Variants in EXOC3L4 observed in about 807,000 individuals in gnomAD.
The protein encoded by EXOC3L4 is exocyst complex component 3-like protein 4.
EXOC3L4 carries 62 observed loss-of-function variants against 69.7 expected under a neutral mutation model. The ratio of observed to expected loss-of-function variants is 0.89; its 90% CI spans 0.72 to 1.10. The LOEUF (loss-of-function observed/expected upper bound fraction) is 1.10. Ranked by LOEUF, EXOC3L4 falls within the 50% of genes least tolerant of loss-of-function variation. The pLI is 0.00. For missense variants in EXOC3L4, 1,087 were observed against 1,034.8 expected, an observed-to-expected ratio of 1.05 and a Z score of -0.69; for synonymous variants, 502 against 464.2, an observed-to-expected ratio of 1.08 and a Z score of -1.05.
intron 8 of EXOC3L4, 56 bp downstream of exon 8, chr14:103,106,955 T>C: frequency 7.3e-7 from 1 of 1,378,526 alleles, no homozygotes; most frequent in Non-Finnish European, 9.9e-7. Context: ...CACCCCCTAT[T>C]TCCTAGAGCC....
intron 11 of EXOC3L4, 98 bp downstream of exon 11, chr14:103,108,615 G>A (rs1406817564): frequency 3.3e-6 from 5 of 1,507,168 alleles, no homozygotes; most frequent in Admixed American, 4.1e-5. Flanking sequence ...ACTGCCCAGG[G>A]GCCTGAAGAC....
At chr14:103,107,900 A>T in intron 10 of EXOC3L4, 117 bp downstream of exon 10, 17 of 1,246,030 alleles carry the variant, frequency 1.4e-5, no homozygotes, top group East Asian at 6.7e-5. Flanking sequence ...ACTCTGGATC[A>T]GGTGGAACAG....
rs1403922007 is a variant in EXOC3L4, at chr14:103,110,227, T to C, written c.*4T>C. ...TGTGCTGATCACCTGCGTCTAGTTC[T>C]CTCTGGCTCGAGGGGGGGCCGGCCG... On this transcript the variant is annotated 3_prime_UTR_variant, in exon 12 of 12. Coordinates refer to ENST00000688303, the MANE Select transcript of EXOC3L4 (RefSeq NM_001077594.2). 2 of 1,501,542 alleles carry C rather than the reference T, an allele frequency of 1.3e-6. No individual in the cohort carries two copies. Among genetic ancestry groups the C allele is most frequent in the Non-Finnish European group, 1.8e-6 (2 of 1,124,032 alleles). The allele number at this position is 1,501,542 out of a possible 1,614,324, so 93.0% of individuals were successfully genotyped here. A position where few individuals can be genotyped will look rare whatever the true frequency, so the allele number is the denominator to read the frequency against.
rs1403437592 is a variant in EXOC3L4 at position 103,106,918 on chromosome 14, C to G, written c.1581+19C>G. 3 of 1,529,098 alleles carry G rather than the reference C, an allele frequency of 2.0e-6. No individual in the cohort carries two copies. Among genetic ancestry groups the G allele is most frequent in the Middle Eastern group, 1.7e-4 (1 of 5,914 alleles). 94.7% of individuals were successfully genotyped at this position (1,529,098 alleles called of 1,614,324 possible). The stretch of plus-strand genomic sequence containing the variant: ...GTTGCAGGTGACTGTGATAGGCCCT[C>G]TCTCCCTACTTCCCATGCCCAGCAG... On this transcript the variant is annotated intron_variant, in intron 8 of 11. Transcript: ENST00000688303.
At position 103,097,614 on chromosome 14, in the gene EXOC3L4, G is replaced by T. The variant is rs74085389; in HGVS notation, c.-16-2590G>T. Among the ~76,000 whole-genome samples the T allele has an allele frequency of 6.6e-6, 1 of 152,212 alleles. No homozygotes were observed. Among genetic ancestry groups the T allele is most frequent in the African/African-American group, 2.4e-5 (1 of 41,446 alleles). ...CAGGCTGTGCTCAGGGGTGACCGGG[G>T]TAGATGGACAGAGGCTGCCAGCCCA... On this transcript the variant is annotated intron_variant, in intron 1 of 11. Transcript: ENST00000688303. This position sits in a 1 kb window ranked among gnomAD's most constrained non-coding sequence, Gnocchi z 4.9.
upstream of EXOC3L4, chr14:103,094,615 G>A (rs1889813631): frequency 6.6e-6 from 1 of 152,448 alleles, no homozygotes; most frequent in South Asian, 2.1e-4. Context: ...AAAAGGAAGT[G>A]GGAACTTCTC....
chr14:103,096,398 A>ATTTTTTTTTTTTT (rs1440659126), intron 1 of EXOC3L4, among the ~76,000 whole-genome samples: 23 of 68,494 alleles, frequency 3.4e-4, no homozygotes, highest in Admixed American at 6.7e-4. Flanking sequence ...TTTTGGCAAG[A>ATTTTTTTTTTTTT]TTCTTTTTTT....
intron 11 of EXOC3L4, 77 bp from the exon 12 acceptor site, chr14:103,109,954 C>A: frequency 7.0e-7 from 1 of 1,438,574 alleles, no homozygotes; most frequent in Admixed American, 2.4e-5. Context: ...CTCCCAAGCC[C>A]GTGGGTTCGC....
intron 11 of EXOC3L4, among the ~76,000 whole-genome samples, chr14:103,108,921 A>G (rs935049737): frequency 1.3e-5 from 2 of 151,936 alleles, no homozygotes; most frequent in African/African-American, 4.8e-5. Context: ...GAATCTCTCC[A>G]AGTCCATTCT....
At chr14:103,099,399 C>T (rs1890049821) in intron 1 of EXOC3L4, among the ~76,000 whole-genome samples, 1 of 152,228 alleles carries the variant, frequency 6.6e-6, no homozygotes, top group South Asian at 2.1e-4. Flanking sequence ...TGGGACACCC[C>T]CTCCATTCCC....
In EXOC3L4 at chr14:103,102,588, G is replaced by C. The variant is rs934614512; in HGVS notation, c.865G>C (p.Asp289His). ...LAELGGLVRR[D>H]LQKVRQEVQP... ...CGAGCTGGGTGGCTTGGTTCGCCGC[G>C]ACCTGCAGAAGGTGCGGCAGGAGGT... The change falls in exon 3 of 12, where the codon GAC becomes CAC. Residue 289 changes from aspartate (D) to histidine (H), a missense_variant. By Grantham distance (81) the Asp-to-His change is moderately conservative. Transcript: ENST00000688303. 6.8e-7 allele frequency: 1 copy of C among 1,473,220 alleles called. No individual in the cohort carries two copies. The highest frequency in any genetic ancestry group is 9.0e-7 in the Non-Finnish European group (1 of 1,115,532). The allele number at this position is 1,473,220 out of a possible 1,614,324, so 91.3% of individuals were successfully genotyped here.
chr14:103,102,451 A>G lies in EXOC3L4; in HGVS notation c.728A>G (p.Gln243Arg). 6.7e-7 allele frequency: 1 copy of G among 1,481,824 alleles called. No individual in the cohort carries two copies. Among genetic ancestry groups the G allele is most frequent in the South Asian group, 1.3e-5 (1 of 76,036 alleles). The allele number at this position is 1,481,824 out of a possible 1,614,324, so 91.8% of individuals were successfully genotyped here. ...CTGCGCACGCCGCGCCGCTGGCGCCAGCACTGGGAGGAGGCGGTGCGGCGA... is the reference window on the plus strand; with the variant it reads ...CTGCGCACGCCGCGCCGCTGGCGCCGGCACTGGGAGGAGGCGGTGCGGCGA... The part of the protein sequence containing the change: ...DFLRTPRRWR[Q>R]HWEEAVRRSA... The change falls in exon 3 of 12, where the codon CAG (glutamine) becomes CGG (arginine). Residue 243 changes from glutamine (Q) to arginine (R), a missense_variant. Transcript: ENST00000688303.
Position 103,107,508 on chromosome 14 carries a change from G to A in EXOC3L4, c.1666G>A (p.Gly556Ser), listed in dbSNP as rs201757868. ...CATGGACAAGGTGGTGACCTTCGCCGGTCATCTCCAGCGTGTGGCCCGGCC... is the reference window on the plus strand; with the variant it reads ...CATGGACAAGGTGGTGACCTTCGCCAGTCATCTCCAGCGTGTGGCCCGGCC... ...PLMDKVVTFA[G>S]HLQRVARPRA... The change falls in exon 9 of 12, where the codon GGT becomes AGT. Residue 556 changes from glycine to serine, a missense_variant. Coordinates refer to ENST00000688303, the MANE Select transcript of EXOC3L4 (RefSeq NM_001077594.2). 283 of 1,613,782 alleles carry A rather than the reference G, an allele frequency of 1.8e-4. 5 individuals are homozygous for A. The East Asian group carries it at 5.6e-3, about 32-fold the overall frequency.
At chr14:103,104,583 G>T in intron 5 of EXOC3L4, 155 bp from the exon 6 acceptor site, 5 of 1,229,690 alleles carry the variant, frequency 4.1e-6, no homozygotes, top group Non-Finnish European at 5.4e-6. Flanking sequence ...GGGAGTTTGC[G>T]GGAGTTGACT....
chr14:103,104,929 G>C, intron 6 of EXOC3L4, 63 bp from the exon 7 acceptor site: 1 of 1,576,880 alleles, frequency 6.3e-7, no homozygotes, highest in Non-Finnish European at 8.7e-7. Flanking sequence ...GATTGGGAGG[G>C]TGGACCCAGG....
Position 103,107,486 on chromosome 14 carries a change from G to A in EXOC3L4, c.1644G>A (p.Met548Ile). The change falls in exon 9 of 12, where the codon ATG becomes ATA. Residue 548 changes from methionine to isoleucine, a missense_variant. Met to Ile is a conservative substitution (Grantham distance 10). Coordinates refer to ENST00000688303, the MANE Select transcript of EXOC3L4 (RefSeq NM_001077594.2). ...WLTQDWLHPL[M>I]DKVVTFAGHL... ...CGCAGGACTGGCTGCATCCCCTCAT[G>A]GACAAGGTGGTGACCTTCGCCGGTC... The A allele has an allele frequency of 6.2e-7, 1 of 1,613,840 alleles. No homozygotes were observed. Among genetic ancestry groups the A allele is most frequent in the Non-Finnish European group, 8.5e-7 (1 of 1,180,022 alleles).
chr14:103,103,799 T>TGG, intron 3 of EXOC3L4, 142 bp from the exon 4 acceptor site: 1 of 263,602 alleles, frequency 3.8e-6, no homozygotes. Context: ...CGCGCGCGCG[T>TGG]GTGTGTGTGT....
intron 5 of EXOC3L4, 130 bp downstream of exon 5, chr14:103,104,519 G>T: frequency 7.3e-7 from 1 of 1,364,274 alleles, no homozygotes; most frequent in Admixed American, 3.3e-5. Flanking sequence ...GAGGCCCCAC[G>T]CGGGGGGAAA....
At chr14:103,109,977 CTGGGGGT>C in intron 11 of EXOC3L4, 47 bp from the exon 12 acceptor site, 1 of 1,512,168 alleles carries the variant, frequency 6.6e-7, no homozygotes, top group Non-Finnish European at 8.9e-7. Flanking sequence ...CATGCTGGGG[CTGGGGGT>C]GTTGCGGAGG....
Sources: gnomAD v4.1 joint callset for allele counts (sites outside exome capture counted in the v4.1 genomes callset) on GRCh38, gnomAD v4.1.1 for gene constraint, Gnocchi (gnomAD v3.1) non-coding constraint, MANE v1.5 for transcripts, NCBI Gene and HGNC (gene_info 2026-07-23, HGNC 2026-07-21) for gene names.